Variants in SPAG16 observed in about 807,000 individuals in gnomAD.
SPAG16 encodes the protein sperm-associated antigen 16 protein.
In SPAG16, 86 loss-of-function variants were observed where a neutral mutation model predicts 80.4. That is an observed-to-expected ratio of 1.07 (90% CI 0.90 to 1.28). The LOEUF is 1.28. Ranked by LOEUF, SPAG16 falls within the 50% of genes most tolerant of loss-of-function variation. The pLI, the probability that SPAG16 is intolerant of heterozygous loss-of-function variation, is 0.00. For missense variants in SPAG16, 870 were observed against 765.3 expected (o/e 1.14, Z -1.61); for synonymous variants, 294 against 265.9 (o/e 1.11, Z -1.03).
intron 10 of SPAG16, among the ~76,000 whole-genome samples, chr2:213,818,776 G>A (rs182839946): frequency 1.4e-4 from 21 of 152,218 alleles, no homozygotes; most frequent in Admixed American, 8.5e-4. Flanking sequence ...TGCCATTCTC[G>A]TGATAGTGAG....
intron 14 of SPAG16, among the ~76,000 whole-genome samples, chr2:214,116,301 G>A (rs1402850140): frequency 2.0e-5 from 3 of 152,202 alleles, no homozygotes; most frequent in East Asian, 1.9e-4. Flanking sequence ...TCCACATGAG[G>A]ACTGCTTGTA....
chr2:214,000,613 A>G (rs2046748344), intron 12 of SPAG16, among the ~76,000 whole-genome samples: 1 of 152,206 alleles, frequency 6.6e-6, no homozygotes, highest in Non-Finnish European at 1.5e-5. Flanking sequence ...GTCCTCATGG[A>G]GTGTTTAACT....
At chr2:213,926,046 A>T (rs772411446) in intron 11 of SPAG16, among the ~76,000 whole-genome samples, 1 of 152,058 alleles carries the variant, frequency 6.6e-6, no homozygotes, top group Non-Finnish European at 1.5e-5. Flanking sequence ...TAAATTTTCT[A>T]GTTTCTGTAC....
At chr2:213,708,096 T>G (rs536634054) in intron 10 of SPAG16, among the ~76,000 whole-genome samples, 7 of 152,312 alleles carry the variant, frequency 4.6e-5, no homozygotes, top group African/African-American at 1.7e-4. Context: ...ATCCAAAATT[T>G]TTATATCATT....
intron 10 of SPAG16, among the ~76,000 whole-genome samples, chr2:213,749,294 T>C (rs968504568): frequency 6.6e-5 from 10 of 152,172 alleles, no homozygotes; most frequent in African/African-American, 9.6e-5. Context: ...AATCTATTTA[T>C]ATAATTGTAT....
At chr2:213,289,215 T>C (rs1245930019) in intron 1 of SPAG16, among the ~76,000 whole-genome samples, 1 of 152,198 alleles carries the variant, frequency 6.6e-6, no homozygotes, top group Non-Finnish European at 1.5e-5. Context: ...TAGATAAATA[T>C]CTTAATCTCT....
chr2:214,291,497 G>A (rs1340819118), intron 15 of SPAG16, among the ~76,000 whole-genome samples: 2 of 150,962 alleles, frequency 1.3e-5, no homozygotes, highest in African/African-American at 4.9e-5. Flanking sequence ...AGTAGAGACG[G>A]GGTTTCACCG....
At chr2:213,657,621 A>G (rs1477142494) in intron 10 of SPAG16, among the ~76,000 whole-genome samples, 1 of 152,178 alleles carries the variant, frequency 6.6e-6, no homozygotes, top group Non-Finnish European at 1.5e-5. Flanking sequence ...TCCTTTCAGC[A>G]GTGTGTTCTT....
At chr2:214,308,338 T>C (rs1307736853) in intron 15 of SPAG16, among the ~76,000 whole-genome samples, 3 of 152,224 alleles carry the variant, frequency 2.0e-5, no homozygotes, top group South Asian at 2.1e-4. Flanking sequence ...TGGCTCTTTA[T>C]CCAGCTTGCC....
At chr2:213,760,303 A>C (rs2068584777) in intron 10 of SPAG16, among the ~76,000 whole-genome samples, 1 of 152,178 alleles carries the variant, frequency 6.6e-6, no homozygotes, top group South Asian at 2.1e-4. Flanking sequence ...AATAGACTTT[A>C]ATCAAAAAGT....
Position 213,732,447 on chromosome 2 carries a change from G to A in SPAG16, c.1071-130038G>A, listed in dbSNP as rs552652147. ...AGATCCACTATTACCCTAGATTACT[G>A]TAGCCCTGTTTTGGTTACTATAGCC... is the stretch of plus-strand genomic sequence containing the variant. On this transcript the variant is annotated intron_variant, in intron 10 of 15. Coordinates refer to ENST00000331683, the MANE Select transcript of SPAG16 (RefSeq NM_024532.5). Among the ~76,000 whole-genome samples the A allele has an allele frequency of 2.6e-5, 4 of 152,224 alleles. No homozygotes were observed. The South Asian group carries it at 8.3e-4, about 32-fold the overall frequency.
At chr2:213,909,272 G>C (rs1575522716) in intron 11 of SPAG16, among the ~76,000 whole-genome samples, 1 of 152,038 alleles carries the variant, frequency 6.6e-6, no homozygotes, top group Non-Finnish European at 1.5e-5. Flanking sequence ...TGGGTAGGAA[G>C]AATCAATATC....
At position 213,679,717 on chromosome 2, in the gene SPAG16, A is replaced by G. The variant is rs185376141; in HGVS notation, c.1071-182768A>G. Among the ~76,000 whole-genome samples, 598 of 152,310 alleles carry G rather than the reference A, an allele frequency of 3.9e-3. 5 individuals carry two copies. Among genetic ancestry groups the G allele is most frequent in the Non-Finnish European group, 6.1e-3 (413 of 68,024 alleles). ...AACTTAAGAATGGCATGATACTTTA[A>G]ATTTTTAAAATGAATTTGATAAGGG... On this transcript the variant is annotated intron_variant, in intron 10 of 15. Coordinates refer to ENST00000331683, the MANE Select transcript of SPAG16 (RefSeq NM_024532.5).
chr2:213,976,133 TATACACACAC>T (rs1243784988), intron 12 of SPAG16, among the ~76,000 whole-genome samples: 2 of 120,708 alleles, frequency 1.7e-5, no homozygotes, highest in East Asian at 5.1e-4. Context: ...TATATATATA[TATACACACAC>T]ACACACACAC....
At chr2:213,560,750 G>T (rs1395992137) in intron 10 of SPAG16, among the ~76,000 whole-genome samples, 3 of 152,132 alleles carry the variant, frequency 2.0e-5, no homozygotes, top group Admixed American at 6.6e-5. Flanking sequence ...CTCCTTAAGA[G>T]TTTATTTTCT....
intron 11 of SPAG16, chr2:213,923,892 G>C (rs1485466700): frequency 6.6e-6 from 1 of 152,400 alleles, no homozygotes; most frequent in African/African-American, 2.4e-5. Flanking sequence ...CATGGCAAAA[G>C]TGGGTGGGGT....
chr2:213,642,819 T>A (rs1161797274), intron 10 of SPAG16, among the ~76,000 whole-genome samples: 1 of 20,060 alleles, frequency 5.0e-5, no homozygotes, highest in Non-Finnish European at 1.2e-4. Context: ...AGACTCTGTC[T>A]CAAAAAAAAA....
At chr2:213,451,777 G>T (rs1160249520) in intron 9 of SPAG16, among the ~76,000 whole-genome samples, 1 of 152,176 alleles carries the variant, frequency 6.6e-6, no homozygotes, top group Non-Finnish European at 1.5e-5. Context: ...GTTGAGGGCA[G>T]AGCCTCTAGT....
At chr2:214,120,797 C>T (rs972092911) in intron 14 of SPAG16, among the ~76,000 whole-genome samples, 2 of 151,794 alleles carry the variant, frequency 1.3e-5, no homozygotes, top group Non-Finnish European at 2.9e-5. Flanking sequence ...CTTTATAATT[C>T]ATATTATTTA....
Sources: gnomAD v4.1 joint callset for allele counts (sites outside exome capture counted in the v4.1 genomes callset) on GRCh38, gnomAD v4.1.1 for gene constraint, MANE v1.5 for transcripts, NCBI Gene and HGNC (gene_info 2026-07-23, HGNC 2026-07-21) for gene names.